Variants in MGLL observed in about 807,000 individuals in gnomAD.
MGLL encodes lysophospholipase homolog.
MGLL carries 7 observed loss-of-function variants against 29.1 expected under a neutral mutation model. That is an observed-to-expected ratio of 0.24 (90% CI 0.14 to 0.45). MGLL has a LOEUF of 0.45. MGLL is among the 20% of genes least tolerant of loss of function. The pLI is 0.99. For missense variants in MGLL, 356 were observed against 413.6 expected (o/e 0.86, Z 1.21); for synonymous variants, 148 against 168.3 (o/e 0.88, Z 0.93).
At chr3:127,695,342 G>T in intron 6 of MGLL, 152 bp from the exon 7 acceptor site, 1 of 742,868 alleles carries the variant, frequency 1.3e-6, no homozygotes, top group South Asian at 1.8e-5. Context: ...AAGGCCAGCC[G>T]TGTTCATCCA....
intron 3 of MGLL, among the ~76,000 whole-genome samples, chr3:127,762,990 C>T (rs1438753582): frequency 6.6e-6 from 1 of 152,178 alleles, no homozygotes; most frequent in African/African-American, 2.4e-5. Context: ...ATGGCAGCCT[C>T]CCCAGCTTTG....
At chr3:127,716,868 G>C (rs886100526) in intron 5 of MGLL, among the ~76,000 whole-genome samples, 23 of 152,220 alleles carry the variant, frequency 1.5e-4, no homozygotes, top group African/African-American at 5.3e-4. Flanking sequence ...GGTTGCCCCA[G>C]ATTTTCTTGA....
chr3:127,814,739 G>A (rs1409323614), intron 2 of MGLL, among the ~76,000 whole-genome samples: 3 of 152,190 alleles, frequency 2.0e-5, no homozygotes, highest in Admixed American at 6.5e-5. Context: ...AATAGCAGCT[G>A]GCCTTGCCTC....
At chr3:127,787,054 A>C (rs535784502) in intron 2 of MGLL, among the ~76,000 whole-genome samples, 1 of 152,338 alleles carries the variant, frequency 6.6e-6, no homozygotes, top group South Asian at 2.1e-4. Flanking sequence ...GTGCAAGTGC[A>C]CTGAGGCCCT....
At chr3:127,756,047 G>C (rs1419512291) in intron 3 of MGLL, among the ~76,000 whole-genome samples, 1 of 152,200 alleles carries the variant, frequency 6.6e-6, no homozygotes, top group African/African-American at 2.4e-5. Flanking sequence ...TTCCAGAAAG[G>C]CTTCTTAAGT....
intron 6 of MGLL, among the ~76,000 whole-genome samples, chr3:127,701,008 A>G (rs2075469319): frequency 6.6e-6 from 1 of 152,056 alleles, no homozygotes; most frequent in South Asian, 2.1e-4. Context: ...TGGGCCCAGG[A>G]ATTCAGAACC....
At chr3:127,787,392 C>T (rs367853993) in intron 2 of MGLL, among the ~76,000 whole-genome samples, 13 of 152,178 alleles carry the variant, frequency 8.5e-5, no homozygotes, top group Admixed American at 2.6e-4. Context: ...GAGAATTAAA[C>T]GGACAGTCCC....
chr3:127,812,988 T>C (rs1470538797), intron 2 of MGLL, among the ~76,000 whole-genome samples: 1 of 152,170 alleles, frequency 6.6e-6, no homozygotes, highest in Admixed American at 6.5e-5. Flanking sequence ...CGGAAGAGGA[T>C]AAACAGAGGG....
chr3:127,714,713 GGT>G (rs2075782474), intron 5 of MGLL, among the ~76,000 whole-genome samples: 1 of 152,168 alleles, frequency 6.6e-6, no homozygotes, highest in South Asian at 2.1e-4. Context: ...TGAAGCCCTG[GGT>G]GCAAGTTACA....
intron 3 of MGLL, among the ~76,000 whole-genome samples, chr3:127,777,481 A>C (rs1365736260): frequency 6.6e-6 from 1 of 152,224 alleles, no homozygotes; most frequent in Non-Finnish European, 1.5e-5. Context: ...TGGTCAATGC[A>C]GTGGGGCTAG....
chr3:127,785,932 G>A (rs1431585017), intron 2 of MGLL, among the ~76,000 whole-genome samples: 2 of 152,202 alleles, frequency 1.3e-5, no homozygotes, highest in African/African-American at 4.8e-5. Context: ...TAGACTCCAG[G>A]GAATAGCCAG....
In MGLL at chr3:127,722,490, A is replaced by T; in HGVS notation, c.339T>A (p.His113Gln). ...GGTAGTCTTTCTGCATGGAATCCAC[A>T]TGCTGCAACACATCCCTGACGAAAA... ...FHVFVRDVLQ[H>Q]VDSMQKDYPG... The change falls in exon 4 of 8, where the codon CAT becomes CAA. Residue 113 changes from histidine (H) to glutamine (Q), a missense_variant. By Grantham distance (24) the His-to-Gln change is conservative. Coordinates refer to ENST00000265052, the MANE Select transcript of MGLL (RefSeq NM_007283.7). 1 of 1,614,224 alleles carries T rather than the reference A, an allele frequency of 6.2e-7. No individual in the cohort carries two copies. Among genetic ancestry groups the T allele is most frequent in the Non-Finnish European group, 8.5e-7 (1 of 1,180,030 alleles).
Position 127,710,598 on chromosome 3 carries a change from A to G in MGLL, c.578T>C (p.Val193Ala). 6.4e-7 allele frequency: 1 copy of G among 1,567,668 alleles called. No individual in the cohort carries two copies. Among genetic ancestry groups the G allele is most frequent in the African/African-American group, 1.3e-5 (1 of 74,238 alleles). ...NLSLGPIDSSVLSRNKTEVDI... is the reference protein window; with the variant it reads ...NLSLGPIDSSALSRNKTEVDI... ...CACCTCTGTCTTATTCCGAGAGAGC[A>G]CGCTGGAGTCGATGGGCCCGAGGGA... Residue 193 changes from valine (V) to alanine (A), a missense_variant, in exon 6 of 8, where the codon GTG (valine) becomes GCG (alanine). Coordinates refer to ENST00000265052, the MANE Select transcript of MGLL (RefSeq NM_007283.7).
intron 4 of MGLL, among the ~76,000 whole-genome samples, chr3:127,722,156 T>G (rs1051413460): frequency 2.1e-4 from 32 of 152,194 alleles, no homozygotes; most frequent in Admixed American, 4.6e-4. Flanking sequence ...GCAGCCTCAC[T>G]ATGAAATGGC....
intron 2 of MGLL, among the ~76,000 whole-genome samples, chr3:127,809,916 G>A (rs780630249): frequency 7.9e-5 from 12 of 152,130 alleles, no homozygotes; most frequent in East Asian, 3.9e-4. Flanking sequence ...AGAGAAGTAC[G>A]GATGTGAAAG....
intron 3 of MGLL, among the ~76,000 whole-genome samples, chr3:127,748,028 G>T (rs1234653812): frequency 6.6e-6 from 1 of 152,200 alleles, no homozygotes; most frequent in East Asian, 1.9e-4. Flanking sequence ...GCGGGGAGGA[G>T]CCACAGCGTC....
At chr3:127,756,724 G>A (rs1478633686) in intron 3 of MGLL, among the ~76,000 whole-genome samples, 2 of 152,198 alleles carry the variant, frequency 1.3e-5, no homozygotes, top group Non-Finnish European at 2.9e-5. Flanking sequence ...TTTTTCTTGT[G>A]TAATTGACTG....
intron 3 of MGLL, among the ~76,000 whole-genome samples, chr3:127,738,545 C>G (rs1164129743): frequency 6.6e-6 from 1 of 152,172 alleles, no homozygotes; most frequent in Non-Finnish European, 1.5e-5. Flanking sequence ...GAAGGAGGTC[C>G]TGGGCAGGAG....
chr3:127,744,474 G>C (rs1387097581), intron 3 of MGLL, among the ~76,000 whole-genome samples: 7 of 152,174 alleles, frequency 4.6e-5, no homozygotes, highest in South Asian at 2.1e-4. Context: ...TGAAATGTTA[G>C]GGCTCTGTGC....
Sources: gnomAD v4.1 joint callset for allele counts (sites outside exome capture counted in the v4.1 genomes callset) on GRCh38, gnomAD v4.1.1 for gene constraint, MANE v1.5 for transcripts, NCBI Gene and HGNC (gene_info 2026-07-23, HGNC 2026-07-21) for gene names.